Variants in IRAK2 observed in about 807,000 individuals in gnomAD.
The protein encoded by IRAK2 is interleukin 1 receptor associated kinase 2.
IRAK2 carries 57 observed loss-of-function variants against 72.0 expected under a neutral mutation model. That is an observed-to-expected ratio of 0.79 (90% CI 0.64 to 0.99). The LOEUF (loss-of-function observed/expected upper bound fraction) is 0.99. IRAK2 is among the 50% of genes least tolerant of loss of function. The pLI is 0.00. For synonymous variants in IRAK2, 293 were observed against 312.7 expected, an observed-to-expected ratio of 0.94 and a Z score of 0.67; for missense variants, 790 against 794.4, an observed-to-expected ratio of 0.99 and a Z score of 0.07.
At chr3:10,196,097 G>A (rs1386900235) in intron 2 of IRAK2, among the ~76,000 whole-genome samples, 2 of 152,164 alleles carry the variant, frequency 1.3e-5, no homozygotes, top group African/African-American at 4.8e-5. Flanking sequence ...TTGTCATTCT[G>A]TACAAGGGAC....
At chr3:10,224,336 C>CAA (rs202221336) in intron 9 of IRAK2, among the ~76,000 whole-genome samples, 7 of 121,844 alleles carry the variant, frequency 5.7e-5, no homozygotes, top group Admixed American at 1.7e-4. Context: ...GATTCTGTCT[C>CAA]AAAAAAAAAA....
chr3:10,183,422 T>C (rs574898662), intron 2 of IRAK2, among the ~76,000 whole-genome samples: 1 of 152,262 alleles, frequency 6.6e-6, no homozygotes, highest in African/African-American at 2.4e-5. Context: ...CTGAATACTC[T>C]AAGAATTAGA....
At chr3:10,174,984 G>T (rs1033119947) in intron 1 of IRAK2, among the ~76,000 whole-genome samples, 11 of 151,352 alleles carry the variant, frequency 7.3e-5, no homozygotes, top group African/African-American at 1.2e-4. Flanking sequence ...CCAGCTGCTG[G>T]GGAGGCTGAG....
At chr3:10,224,388 C>T (rs978268417) in intron 9 of IRAK2, among the ~76,000 whole-genome samples, 4 of 151,644 alleles carry the variant, frequency 2.6e-5, no homozygotes, top group Non-Finnish European at 5.9e-5. Context: ...CCCCTAGGCC[C>T]GGCTCAGTTA....
chr3:10,171,152 A>G (rs1334957219), intron 1 of IRAK2, among the ~76,000 whole-genome samples: 2 of 152,142 alleles, frequency 1.3e-5, no homozygotes, highest in Non-Finnish European at 2.9e-5. Flanking sequence ...CTGTGTAAAA[A>G]GGGTTTCCTA....
At position 10,214,011 on chromosome 3, in the gene IRAK2, C is replaced by G. The variant is rs546197969; in HGVS notation, c.788+463C>G. Among the ~76,000 whole-genome samples the G allele has an allele frequency of 1.2e-4, 18 of 151,976 alleles. No individual in the cohort carries two copies. In the East Asian group the frequency reaches 1.7e-3, roughly 15 times the overall value. The stretch of plus-strand genomic sequence containing the variant: ...TGGCGTGATCTCGGCTCACTGCAAT[C>G]TCTGCCTACCAGGTTCAGGTGATTC... On this transcript the variant is annotated intron_variant, in intron 6 of 12. Transcript: ENST00000256458.
chr3:10,242,533 C>T lies in IRAK2; in HGVS notation c.*305C>T, dbSNP rs188588514. The T allele has an allele frequency of 7.9e-4, 149 of 187,452 alleles. 1 individual carries two copies. The highest frequency in any genetic ancestry group is 3.2e-3 in the African/African-American group (135 of 42,768). The allele number at this position is 187,452 out of a possible 1,614,324, so 11.6% of individuals were successfully genotyped here. On this transcript the variant is annotated 3_prime_UTR_variant, in exon 13 of 13. Coordinates refer to ENST00000256458, the MANE Select transcript of IRAK2 (RefSeq NM_001570.4). The stretch of plus-strand genomic sequence containing the variant: ...CAGGATGTGGCTGATTTTGTGGTTC[C>T]GGGGAGTATGTGATGATAATCACCC...
chr3:10,228,851 C>G (rs1242169329), intron 10 of IRAK2, among the ~76,000 whole-genome samples: 1 of 152,130 alleles, frequency 6.6e-6, no homozygotes, highest in African/African-American at 2.4e-5. Context: ...ATATGAGTAC[C>G]CTCTGACACG....
rs747733984 is a variant in IRAK2, at chr3:10,200,466, T to C, written c.375T>C (p.Asp125=). 3 of 1,606,462 alleles carry C rather than the reference T, an allele frequency of 1.9e-6. No individual in the cohort carries two copies. The highest frequency in any genetic ancestry group is 1.1e-5 in the South Asian group (1 of 90,748). Residue 125 remains aspartate, a synonymous_variant, in exon 3 of 13, where the codon GAT becomes GAC. Transcript: ENST00000256458. ...PLAASVRKAE[D]EQEEGQPVRM... Reference sequence around the variant, plus strand: ...CAGCTTCTGTAAGAAAGGCTGAGGATGAACAGGAAGAGGGGCAGCCTGTGA... The same window carrying C: ...CAGCTTCTGTAAGAAAGGCTGAGGACGAACAGGAAGAGGGGCAGCCTGTGA...
intron 7 of IRAK2, among the ~76,000 whole-genome samples, 162 bp from the exon 8 acceptor site, chr3:10,219,518 C>T (rs1156455147): frequency 6.6e-6 from 1 of 152,042 alleles, no homozygotes; most frequent in Non-Finnish European, 1.5e-5. Context: ...TGGGGTTTCA[C>T]CGTGTTAGCC....
intron 2 of IRAK2, among the ~76,000 whole-genome samples, chr3:10,185,621 T>C (rs1344328781): frequency 7.0e-6 from 1 of 143,564 alleles, no homozygotes; most frequent in African/African-American, 2.6e-5. Flanking sequence ...ACACCTGTAA[T>C]CCCAACACTT....
Position 10,219,696 on chromosome 3 carries a change from TC to T in IRAK2, c.924del (p.Trp309GlyfsTer61). 1 of 1,613,526 alleles carries T rather than the reference TC, an allele frequency of 6.2e-7. No homozygotes were observed. Among genetic ancestry groups the T allele is most frequent in the Non-Finnish European group, 8.5e-7 (1 of 1,179,562 alleles). ...TTCTCTTAGGGTGGCTCGGACCCCC[TC>T]CCCTGGCCCCAGCGTGTCAGCATCT... ...RLQGQGGSDP[L>X]PWPQRVSICS... is the part of the protein sequence containing the mutation. On this transcript the variant is annotated frameshift_variant, in exon 8 of 13. Coordinates refer to ENST00000256458, the MANE Select transcript of IRAK2 (RefSeq NM_001570.4). LOFTEE classifies it high-confidence loss of function.
intron 1 of IRAK2, among the ~76,000 whole-genome samples, chr3:10,172,222 C>T (rs1437235728): frequency 6.6e-6 from 1 of 151,400 alleles, no homozygotes; most frequent in African/African-American, 2.4e-5. Context: ...AAAAAATTAG[C>T]CGGGCATGGT....
At position 10,193,728 on chromosome 3, in the gene IRAK2, C is replaced by T. The variant is rs995476038; in HGVS notation, c.278-6641C>T. On this transcript the variant is annotated intron_variant, in intron 2 of 12. Transcript: ENST00000256458. ...GATTAGCTGTTCCTTCCGTCACCTG[C>T]GTCCCCTTCCTATCCCTGGGGGTCC... Among the ~76,000 whole-genome samples, 6 of 152,370 alleles carry T rather than the reference C, an allele frequency of 3.9e-5. No individual in the cohort carries two copies. In the East Asian group the frequency reaches 5.8e-4, roughly 15 times the overall value.
At chr3:10,209,725 C>CATGT in intron 4 of IRAK2, 33 bp downstream of exon 4, 10 of 1,318,144 alleles carry the variant, frequency 7.6e-6, no homozygotes, top group Non-Finnish European at 9.2e-6. Context: ...GCCCCCAAGC[C>CATGT]ATGTCTCCCA....
chr3:10,226,262 T>C (rs1443318688), intron 9 of IRAK2, 109 bp from the exon 10 acceptor site: 4 of 794,878 alleles, frequency 5.0e-6, no homozygotes, highest in Non-Finnish European at 8.1e-6. Flanking sequence ...CTGCTGGCAA[T>C]GGCAGAGCTG....
intron 2 of IRAK2, among the ~76,000 whole-genome samples, chr3:10,186,728 A>T: frequency 6.9e-6 from 1 of 145,392 alleles, no homozygotes. Context: ...CAAGATGGGG[A>T]TTCTTGTTGA....
intron 8 of IRAK2, among the ~76,000 whole-genome samples, chr3:10,221,168 A>G (rs760993964): frequency 4.0e-5 from 6 of 150,546 alleles, no homozygotes; most frequent in East Asian, 4.0e-4. Context: ...CAAGGCGGGC[A>G]GATCACGAGG....
At chr3:10,237,968 A>T (rs73123836) in intron 11 of IRAK2, among the ~76,000 whole-genome samples, 2,723 of 61,110 alleles carry the variant, frequency 0.045, 91 homozygotes, top group African/African-American at 0.13. Context: ...TGTGTGTGTG[A>T]AGAAGAAACA....
Sources: gnomAD v4.1 joint callset for allele counts (sites outside exome capture counted in the v4.1 genomes callset) on GRCh38, gnomAD v4.1.1 for gene constraint, MANE v1.5 for transcripts, NCBI Gene and HGNC (gene_info 2026-07-23, HGNC 2026-07-21) for gene names.